NRXN1: variants seen among roughly 807,000 people sequenced by gnomAD.
NRXN1 encodes neurexin 1.
In NRXN1, 39 loss-of-function variants were observed where a neutral mutation model predicts 150.9. The ratio of observed to expected loss-of-function variants is 0.26; its 90% CI spans 0.20 to 0.34. The LOEUF (loss-of-function observed/expected upper bound fraction) is 0.34. Ranked by LOEUF, NRXN1 falls within the 10% of genes least tolerant of loss-of-function variation. The pLI is 1.00. For synonymous variants in NRXN1, 924 were observed against 757.0 expected, an observed-to-expected ratio of 1.22 and a Z score of -3.62; for missense variants, 1,815 against 1,949.9, an observed-to-expected ratio of 0.93 and a Z score of 1.30.
chr2:50,699,687 G>C (rs1693454143), intron 5 of NRXN1, among the ~76,000 whole-genome samples: 1 of 152,060 alleles, frequency 6.6e-6, no homozygotes, highest in Non-Finnish European at 1.5e-5. Context: ...GCTTGAAGCA[G>C]ACTTAGCCTC....
At chr2:50,483,029 C>T (rs1313346184) in intron 15 of NRXN1, among the ~76,000 whole-genome samples, 4 of 116,326 alleles carry the variant, frequency 3.4e-5, no homozygotes, top group Non-Finnish European at 6.5e-5. Flanking sequence ...CCAGCCTGGG[C>T]GACAGGGAGA....
chr2:50,008,449 T>A (rs1241125437), intron 21 of NRXN1, among the ~76,000 whole-genome samples: 1 of 151,152 alleles, frequency 6.6e-6, no homozygotes, highest in Admixed American at 6.6e-5. Flanking sequence ...GACTGAAAAC[T>A]CCTTTGGAGA....
chr2:49,950,597 C>A (rs1558567158), intron 21 of NRXN1, among the ~76,000 whole-genome samples: 3 of 151,918 alleles, frequency 2.0e-5, no homozygotes, highest in African/African-American at 7.2e-5. Flanking sequence ...GGCAAATGAA[C>A]AAATAACTCT....
At chr2:50,646,080 G>C (rs1325443746) in intron 5 of NRXN1, among the ~76,000 whole-genome samples, 1 of 151,882 alleles carries the variant, frequency 6.6e-6, no homozygotes, top group Non-Finnish European at 1.5e-5. Flanking sequence ...AACATTCCAG[G>C]CATCCACAAA....
At chr2:50,708,857 T>C (rs566999773) in intron 5 of NRXN1, among the ~76,000 whole-genome samples, 1 of 152,244 alleles carries the variant, frequency 6.6e-6, no homozygotes, top group South Asian at 2.1e-4. Context: ...AACCCTAGGC[T>C]ACAGAAGCCT....
intron 5 of NRXN1, among the ~76,000 whole-genome samples, chr2:50,737,727 A>T (rs1373376279): frequency 6.6e-6 from 1 of 152,168 alleles, no homozygotes; most frequent in Non-Finnish European, 1.5e-5. Context: ...AAAACTTTGC[A>T]ATTTTTAAAA....
At chr2:50,394,725 A>C (rs1346990742) in intron 17 of NRXN1, among the ~76,000 whole-genome samples, 1 of 152,068 alleles carries the variant, frequency 6.6e-6, no homozygotes, top group African/African-American at 2.4e-5. Context: ...CCTCATGATC[A>C]AATGTTCCCA....
At chr2:50,270,673 GTTT>G (rs34114256) in intron 17 of NRXN1, among the ~76,000 whole-genome samples, 16 of 143,776 alleles carry the variant, frequency 1.1e-4, no homozygotes, top group African/African-American at 3.1e-4. Context: ...TATAGATATA[GTTT>G]TTTTTTTTTT....
chr2:50,062,287 G>C (rs1041609589), intron 19 of NRXN1, among the ~76,000 whole-genome samples: 6 of 151,750 alleles, frequency 4.0e-5, no homozygotes, highest in Admixed American at 1.3e-4. Context: ...CTCATTAATG[G>C]GATTAGTGCC....
At chr2:50,183,007 T>C (rs1418584883) in intron 18 of NRXN1, among the ~76,000 whole-genome samples, 2 of 152,018 alleles carry the variant, frequency 1.3e-5, no homozygotes, top group Admixed American at 1.3e-4. Context: ...ATACATACCA[T>C]AGAGAGAATG....
chr2:50,653,863 C>A (rs1685992822), intron 5 of NRXN1, among the ~76,000 whole-genome samples: 1 of 151,782 alleles, frequency 6.6e-6, no homozygotes, highest in Non-Finnish European at 1.5e-5. Flanking sequence ...ATCTTCTCTG[C>A]CTGCCTCTTA....
At chr2:50,792,137 G>C (rs984461967) in intron 5 of NRXN1, among the ~76,000 whole-genome samples, 2 of 152,080 alleles carry the variant, frequency 1.3e-5, no homozygotes, top group Non-Finnish European at 2.9e-5. Context: ...TTAGCTTTGC[G>C]ACTTTGGGTA....
intron 18 of NRXN1, among the ~76,000 whole-genome samples, chr2:50,093,247 A>G (rs1021386433): frequency 2.0e-5 from 3 of 152,116 alleles, no homozygotes; most frequent in African/African-American, 7.2e-5. Flanking sequence ...CATGTATTTA[A>G]AAGTAAGGGT....
intron 5 of NRXN1, among the ~76,000 whole-genome samples, chr2:50,838,249 G>A (rs1672376384): frequency 6.6e-6 from 1 of 152,102 alleles, no homozygotes; most frequent in African/African-American, 2.4e-5. Flanking sequence ...ATGTATGTAA[G>A]TCATGAAAAT....
At chr2:50,544,515 A>G (rs1322771755) in intron 9 of NRXN1, among the ~76,000 whole-genome samples, 5 of 152,106 alleles carry the variant, frequency 3.3e-5, no homozygotes, top group African/African-American at 1.2e-4. Flanking sequence ...TGCTTACTTG[A>G]TTCATCTGTG....
rs180984643 is a variant in NRXN1, at chr2:50,923,782, T to C, written c.791-1095A>G. On this transcript the variant is annotated intron_variant, in intron 3 of 22. Coordinates refer to ENST00000401669, the MANE Select transcript of NRXN1 (RefSeq NM_001330078.2). ...TATATTTGAAACTTTATTTGAGCTA[T>C]ATAACATTACACATTGGTTTCATCA... 2.0e-3 allele frequency among the ~76,000 whole-genome samples: 305 copies of C among 151,994 alleles called. 1 individual carries two copies. The highest frequency in any genetic ancestry group is 7.0e-3 in the African/African-American group (291 of 41,534).
In NRXN1 at chr2:50,324,811, G is replaced by C. The variant is rs111553858; in HGVS notation, c.3365-87841C>G. Among the ~76,000 whole-genome samples, 12 of 152,330 alleles carry C rather than the reference G, an allele frequency of 7.9e-5. 2 individuals are homozygous for C. The highest frequency in any genetic ancestry group is 2.9e-4 in the African/African-American group (12 of 41,580). On this transcript the variant is annotated intron_variant, in intron 17 of 22. Transcript: ENST00000401669. ...CCCACCAGATGGCCCTGGAGAGGCT[G>C]TGGTCATTTTTATTTAACTTTTGGC...
intron 17 of NRXN1, among the ~76,000 whole-genome samples, chr2:50,462,363 A>AT (rs898756134): frequency 6.6e-6 from 1 of 151,846 alleles, no homozygotes; most frequent in African/African-American, 2.4e-5. Context: ...GGTTAGGAGA[A>AT]TTAGGAGAGA....
intron 15 of NRXN1, among the ~76,000 whole-genome samples, chr2:50,488,386 G>T (rs1179221239): frequency 6.6e-6 from 1 of 152,068 alleles, no homozygotes; most frequent in African/African-American, 2.4e-5. Flanking sequence ...GTTGATCAGG[G>T]GTGAAAAGCC....
Sources: allele counts gnomAD v4.1 joint callset (sites outside exome capture counted in the v4.1 genomes callset), GRCh38; gene constraint gnomAD v4.1.1; transcripts MANE v1.5; gene names NCBI Gene and HGNC (gene_info 2026-07-23, HGNC 2026-07-21).